PRRC2B: variants seen among roughly 807,000 people sequenced by gnomAD.
PRRC2B encodes the protein protein PRRC2B.
Under a neutral mutation model 242.3 loss-of-function variants are expected in PRRC2B, and 68 were observed. That is an observed-to-expected ratio of 0.28 (90% CI 0.23 to 0.34). PRRC2B has a LOEUF of 0.34. Ranked by LOEUF, PRRC2B falls within the 10% of genes least tolerant of loss-of-function variation. PRRC2B has a pLI of 1.00. For missense variants in PRRC2B, 2,835 were observed against 2,954.8 expected, an observed-to-expected ratio of 0.96 and a Z score of 0.94; for synonymous variants, 1,228 against 1,173.6, an observed-to-expected ratio of 1.05 and a Z score of -0.95.
intron 1 of PRRC2B, among the ~76,000 whole-genome samples, chr9:131,380,203 C>T (rs1836737700): frequency 6.6e-6 from 1 of 151,328 alleles, no homozygotes; most frequent in Non-Finnish European, 1.5e-5. Flanking sequence ...CTGCAGTGAG[C>T]TATGATCATG....
chr9:131,471,831 T>G (rs1053855276), intron 14 of PRRC2B, among the ~76,000 whole-genome samples: 3 of 152,238 alleles, frequency 2.0e-5, no homozygotes, highest in Admixed American at 6.5e-5. Context: ...CTGTATTCTC[T>G]GGTTGGAGAT....
At chr9:131,421,047 T>C (rs997524442) in intron 1 of PRRC2B, among the ~76,000 whole-genome samples, 5 of 152,218 alleles carry the variant, frequency 3.3e-5, no homozygotes, top group Non-Finnish European at 5.9e-5. Context: ...TTCTCTTTTA[T>C]GTATTGTCTG....
chr9:131,414,795 A>G (rs1032003288), intron 1 of PRRC2B, among the ~76,000 whole-genome samples: 8 of 151,434 alleles, frequency 5.3e-5, no homozygotes, highest in South Asian at 2.1e-4. Flanking sequence ...GTCTTGAACT[A>G]TTGACCTCAA....
In PRRC2B at chr9:131,446,558, G is replaced by A. The variant is rs1355523713; in HGVS notation, c.771G>A (p.Pro257=). 12 of 1,613,756 alleles carry A rather than the reference G, an allele frequency of 7.4e-6. No individual in the cohort carries two copies. Among genetic ancestry groups the A allele is most frequent in the South Asian group, 1.1e-5 (1 of 91,072 alleles). ...TSDSKDPSLR[P]AQPVRKGASQ... is the part of the protein sequence containing the mutation. The stretch of plus-strand genomic sequence containing the variant: ...ATTCTAAGGACCCCTCTCTCCGCCC[G>A]GCTCAGCCTGTCCGAAAAGGGGCTT... The change falls in exon 7 of 32, where the codon CCG becomes CCA. Residue 257 remains proline (P), a synonymous_variant. Transcript: ENST00000683519. This position sits in a 1 kb window ranked among gnomAD's most constrained non-coding sequence, Gnocchi z 4.1.
At chr9:131,392,421 GTTTA>G (rs929802583), upstream of PRRC2B, among the ~76,000 whole-genome samples, 53 of 152,226 alleles carry the variant, frequency 3.5e-4, no homozygotes, top group Admixed American at 8.5e-4. Flanking sequence ...CTGAGGCTCA[GTTTA>G]TTTATTTAAT....
chr9:131,383,068 C>G (rs924986532), intron 1 of PRRC2B, among the ~76,000 whole-genome samples: 1 of 152,186 alleles, frequency 6.6e-6, no homozygotes, highest in African/African-American at 2.4e-5. Flanking sequence ...TTTGTTCATG[C>G]TGGTCCCTCC....
intron 9 of PRRC2B, among the ~76,000 whole-genome samples, chr9:131,454,338 A>G (rs913681780): frequency 3.3e-5 from 5 of 152,230 alleles, no homozygotes; most frequent in Non-Finnish European, 5.9e-5. Context: ...GTAACTCACA[A>G]ATCTCACAAG....
chr9:131,485,233 G>A (rs780313751), intron 25 of PRRC2B, 93 bp downstream of exon 25: 111 of 1,066,282 alleles, frequency 1.0e-4, no homozygotes, highest in South Asian at 7.1e-4. Context: ...TCCTGGCCTT[G>A]TCTTAAGTAG....
At chr9:131,401,812 C>G (rs1188453529) in intron 1 of PRRC2B, among the ~76,000 whole-genome samples, 1 of 148,474 alleles carries the variant, frequency 6.7e-6, no homozygotes, top group African/African-American at 2.5e-5. Context: ...AAGCGCCTGC[C>G]ACCATGCCCA....
At chr9:131,442,146 T>TTTG (rs1255981363) in intron 5 of PRRC2B, among the ~76,000 whole-genome samples, 19 of 151,852 alleles carry the variant, frequency 1.3e-4, no homozygotes, top group Non-Finnish European at 1.9e-4. Flanking sequence ...TTGTTTGTTT[T>TTTG]TTTTTAGGCA....
At chr9:131,384,429 C>T (rs1011830819) in intron 1 of PRRC2B, among the ~76,000 whole-genome samples, 3 of 151,512 alleles carry the variant, frequency 2.0e-5, no homozygotes, top group African/African-American at 4.9e-5. Flanking sequence ...ATTACAGGCA[C>T]GCACCACCAT....
chr9:131,387,543 C>A (rs1836841257), intron 1 of PRRC2B, among the ~76,000 whole-genome samples: 1 of 150,380 alleles, frequency 6.6e-6, no homozygotes, highest in African/African-American at 2.4e-5. Flanking sequence ...CCTTGTCCTC[C>A]TGAGCCTTAG....
chr9:131,490,955 A>G (rs980787047), intron 28 of PRRC2B: 47 of 271,652 alleles, frequency 1.7e-4, no homozygotes, highest in African/African-American at 1.0e-3. Flanking sequence ...GCCGCTCTGC[A>G]TCCCGAGTGT....
At position 131,473,567 on chromosome 9, in the gene PRRC2B, G is replaced by A. The variant is rs1402285620; in HGVS notation, c.2167G>A (p.Asp723Asn). 3 of 1,610,822 alleles carry A rather than the reference G, an allele frequency of 1.9e-6. No individual in the cohort carries two copies. Among genetic ancestry groups the A allele is most frequent in the Non-Finnish European group, 2.5e-6 (3 of 1,178,638 alleles). Residue 723 changes from aspartate to asparagine, a missense_variant, in exon 15 of 32, where the codon GAT becomes AAT. Transcript: ENST00000683519. ...CAATGGGACAGGCTGTCGCTCTGAG[G>A]ATCAGAACTGTGTGCCCCCACTCCA... ...SLNGTGCRSE[D>N]QNCVPPLQER...
At chr9:131,444,739 C>G (rs190352792) in intron 6 of PRRC2B, among the ~76,000 whole-genome samples, 72 of 152,304 alleles carry the variant, frequency 4.7e-4, no homozygotes, top group African/African-American at 1.7e-3. Flanking sequence ...CCTCCCCTCC[C>G]CCAGCCCAAT....
intron 1 of PRRC2B, among the ~76,000 whole-genome samples, chr9:131,404,198 T>C (rs1009361636): frequency 6.6e-6 from 1 of 151,984 alleles, no homozygotes; most frequent in African/African-American, 2.4e-5. Flanking sequence ...ATCCCATGGT[T>C]TAGATATTCC....
chr9:131,441,880 C>T (rs941765285), intron 5 of PRRC2B, among the ~76,000 whole-genome samples: 2 of 152,132 alleles, frequency 1.3e-5, no homozygotes, highest in East Asian at 1.9e-4. Flanking sequence ...CGGAAGAAGC[C>T]CCCTGACTTT....
At chr9:131,420,897 C>T (rs564608242) in intron 1 of PRRC2B, among the ~76,000 whole-genome samples, 2 of 152,270 alleles carry the variant, frequency 1.3e-5, no homozygotes, top group South Asian at 4.2e-4. Context: ...TCAAACCCAC[C>T]TGGTTCCCCC....
chr9:131,429,714 A>G (rs1298304626), intron 1 of PRRC2B, among the ~76,000 whole-genome samples: 1 of 152,146 alleles, frequency 6.6e-6, no homozygotes, highest in Non-Finnish European at 1.5e-5. Flanking sequence ...TGGATGTGTT[A>G]AAGTACTGAG....
Sources: gnomAD v4.1 joint callset for allele counts (sites outside exome capture counted in the v4.1 genomes callset) on GRCh38, gnomAD v4.1.1 for gene constraint, Gnocchi (gnomAD v3.1) non-coding constraint, MANE v1.5 for transcripts, NCBI Gene and HGNC (gene_info 2026-07-23, HGNC 2026-07-21) for gene names.